The following ATF6 variants were observed in gnomAD, a reference collection of about 807,000 sequenced individuals.
ATF6 encodes the protein cyclic AMP-dependent transcription factor ATF-6 alpha.
ATF6 carries 53 observed loss-of-function variants against 83.6 expected under a neutral mutation model. That is an observed-to-expected ratio of 0.63 (90% CI 0.51 to 0.80). The LOEUF is 0.80. ATF6 is among the 30% of genes least tolerant of loss of function. The pLI, the probability that ATF6 is intolerant of heterozygous loss-of-function variation, is 0.00. For missense variants in ATF6, 744 were observed against 797.9 expected, an observed-to-expected ratio of 0.93 and a Z score of 0.81; for synonymous variants, 288 against 285.8, an observed-to-expected ratio of 1.01 and a Z score of -0.08.
chr1:161,875,176 A>T (rs938039385), intron 14 of ATF6, among the ~76,000 whole-genome samples: 1 of 151,790 alleles, frequency 6.6e-6, no homozygotes, highest in South Asian at 2.1e-4. Context: ...AGCCTCACAC[A>T]GAGATGTAAT....
chr1:161,789,847 CTT>C (rs953695315), intron 4 of ATF6, among the ~76,000 whole-genome samples: 1 of 152,130 alleles, frequency 6.6e-6, no homozygotes, highest in African/African-American at 2.4e-5. Flanking sequence ...ACCTTGTACT[CTT>C]TGGTTTCTTG....
intron 1 of ATF6, among the ~76,000 whole-genome samples, chr1:161,774,436 CAT>C (rs776707354): frequency 1.8e-4 from 27 of 147,476 alleles, no homozygotes; most frequent in African/African-American, 2.9e-4. Context: ...CACACACACA[CAT>C]ACACACATAT....
At chr1:161,908,835 AG>A (rs1297735201) in intron 14 of ATF6, among the ~76,000 whole-genome samples, 10 of 152,192 alleles carry the variant, frequency 6.6e-5, no homozygotes, top group Non-Finnish European at 1.2e-4. Context: ...TTGGAGGGAA[AG>A]AAATACAAAT....
At chr1:161,877,353 A>G (rs1687237188) in intron 14 of ATF6, among the ~76,000 whole-genome samples, 1 of 152,274 alleles carries the variant, frequency 6.6e-6, no homozygotes, top group East Asian at 1.9e-4. Flanking sequence ...CAATGGACTC[A>G]GAGAATAACA....
At chr1:161,895,912 G>C (rs1299781245) in intron 14 of ATF6, among the ~76,000 whole-genome samples, 2 of 152,186 alleles carry the variant, frequency 1.3e-5, no homozygotes, top group East Asian at 3.8e-4. Context: ...GGAAAATGCT[G>C]TAGTGCATTG....
At chr1:161,771,357 C>A (rs1484163929) in intron 1 of ATF6, among the ~76,000 whole-genome samples, 2 of 152,144 alleles carry the variant, frequency 1.3e-5, no homozygotes, top group African/African-American at 4.8e-5. Context: ...GTTCTCTTGG[C>A]TTTCTAGCAC....
chr1:161,885,387 T>C (rs1687399963), intron 14 of ATF6, among the ~76,000 whole-genome samples: 1 of 152,156 alleles, frequency 6.6e-6, no homozygotes, highest in Non-Finnish European at 1.5e-5. Flanking sequence ...ACAGATGAAC[T>C]CCAGTTATTT....
At chr1:161,821,923 C>T (rs936394748) in intron 9 of ATF6, among the ~76,000 whole-genome samples, 11 of 152,046 alleles carry the variant, frequency 7.2e-5, no homozygotes, top group Non-Finnish European at 1.5e-4. Flanking sequence ...TCTTAGGGTA[C>T]CTCTCTGATG....
At chr1:161,830,406 C>T (rs1334645501) in intron 9 of ATF6, among the ~76,000 whole-genome samples, 1 of 152,190 alleles carries the variant, frequency 6.6e-6, no homozygotes, top group Non-Finnish European at 1.5e-5. Context: ...CCATCTCCAT[C>T]AAGCTACCAA....
chr1:161,873,420 A>G (rs965384841), intron 14 of ATF6, among the ~76,000 whole-genome samples: 8 of 151,548 alleles, frequency 5.3e-5, no homozygotes, highest in Non-Finnish European at 1.2e-4. Context: ...TATAATTAGG[A>G]AAAATTGATG....
At chr1:161,886,648 A>G (rs2101864285) in intron 14 of ATF6, among the ~76,000 whole-genome samples, 1 of 152,356 alleles carries the variant, frequency 6.6e-6, no homozygotes, top group Non-Finnish European at 1.5e-5. Context: ...ATGTTCCATT[A>G]TAATCTCATG....
At chr1:161,838,125 G>A (rs1341682101) in intron 9 of ATF6, among the ~76,000 whole-genome samples, 2 of 152,222 alleles carry the variant, frequency 1.3e-5, no homozygotes, top group African/African-American at 4.8e-5. Context: ...TGTGATAGGG[G>A]AAAGTAGCTT....
At chr1:161,805,643 A>G (rs1685260267) in intron 7 of ATF6, among the ~76,000 whole-genome samples, 1 of 152,186 alleles carries the variant, frequency 6.6e-6, no homozygotes, top group South Asian at 2.1e-4. Context: ...CTTCTGTGTT[A>G]GTAACTTGGT....
intron 14 of ATF6, among the ~76,000 whole-genome samples, chr1:161,867,154 G>A (rs1201868939): frequency 6.6e-6 from 1 of 152,066 alleles, no homozygotes; most frequent in African/African-American, 2.4e-5. Flanking sequence ...AATTAGCCGG[G>A]CGTGGTGGTG....
intron 15 of ATF6, among the ~76,000 whole-genome samples, chr1:161,919,078 T>C (rs912775097): frequency 2.0e-5 from 3 of 152,200 alleles, no homozygotes; most frequent in African/African-American, 7.2e-5. Flanking sequence ...ATCATCTGTG[T>C]TCTCCATGCC....
At chr1:161,874,708 G>A (rs1687174613) in intron 14 of ATF6, among the ~76,000 whole-genome samples, 1 of 151,572 alleles carries the variant, frequency 6.6e-6, no homozygotes, top group African/African-American at 2.4e-5. Flanking sequence ...AATGTGCTTT[G>A]AATTAGCAGC....
At chr1:161,851,176 A>C (rs1571188920) in intron 10 of ATF6, among the ~76,000 whole-genome samples, 2 of 115,220 alleles carry the variant, frequency 1.7e-5, no homozygotes. Flanking sequence ...ACACACCCCT[A>C]CCTGTTTTAC....
chr1:161,899,096 A>G (rs1307597866), intron 14 of ATF6, among the ~76,000 whole-genome samples: 2 of 152,178 alleles, frequency 1.3e-5, no homozygotes, highest in African/African-American at 4.8e-5. Flanking sequence ...ATATGTAACA[A>G]TGTTGAGACA....
At chr1:161,921,950 C>A (rs2101896089) in intron 15 of ATF6, among the ~76,000 whole-genome samples, 1 of 151,970 alleles carries the variant, frequency 6.6e-6, no homozygotes, top group Non-Finnish European at 1.5e-5. Context: ...GAGTGGGAAT[C>A]TGCAGAGAAA....
Sources: gnomAD v4.1 joint callset for allele counts (sites outside exome capture counted in the v4.1 genomes callset) on GRCh38, gnomAD v4.1.1 for gene constraint, MANE v1.5 for transcripts, NCBI Gene and HGNC (gene_info 2026-07-23, HGNC 2026-07-21) for gene names.